SULT1C3: variants seen among roughly 807,000 people sequenced by gnomAD.
The protein encoded by SULT1C3 is sulfotransferase 1C3.
A neutral mutation model predicts 28.4 loss-of-function variants in SULT1C3; 31 were observed. The observed-to-expected ratio is 1.09, with a 90% CI of 0.82 to 1.47. SULT1C3 has a LOEUF of 1.47. Ranked by LOEUF, SULT1C3 falls within the 40% of genes most tolerant of loss-of-function variation. The pLI is 0.00. For missense variants in SULT1C3, 307 were observed against 272.5 expected (o/e 1.13, Z -0.89); for synonymous variants, 106 against 92.2 (o/e 1.15, Z -0.86).
chr2:108,252,176 TA>T (rs1366087720), intron 2 of SULT1C3, among the ~76,000 whole-genome samples, 188 bp from the exon 3 acceptor site: 1 of 151,818 alleles, frequency 6.6e-6, no homozygotes, highest in Non-Finnish European at 1.5e-5. Flanking sequence ...GATAGATAGA[TA>T]GATAGATAGA....
Position 108,252,370 on chromosome 2 carries a change from A to G in SULT1C3, c.178A>G (p.Thr60Ala). ...ILATYPKSGT[T>A]WMHEILDMIL... ...ACTATTTCAAATATTTTCAGGTACA[A>G]CATGGATGCATGAAATTTTAGACAT... Residue 60 changes from threonine (T) to alanine (A), a missense_variant, in exon 3 of 8, where the codon ACA (threonine) becomes GCA (alanine). Thr to Ala is a moderately conservative substitution (Grantham distance 58). Transcript: ENST00000681802. The G allele has an allele frequency of 1.2e-6, 2 of 1,609,228 alleles. No individual in the cohort carries two copies. Among genetic ancestry groups the G allele is most frequent in the East Asian group, 2.2e-5 (1 of 44,698 alleles).
chr2:108,252,248 G>A (rs1675747863), intron 2 of SULT1C3, 117 bp from the exon 3 acceptor site: 3 of 955,798 alleles, frequency 3.1e-6, no homozygotes, highest in Non-Finnish European at 4.6e-6. Context: ...TTCTGCCTTG[G>A]CAACATTGAT....
Position 108,255,706 on chromosome 2 carries a change from C to A in SULT1C3, c.526+8C>A. 2 of 1,608,238 alleles carry A rather than the reference C, an allele frequency of 1.2e-6. No homozygotes were observed. Among genetic ancestry groups the A allele is most frequent in the South Asian group, 2.2e-5 (2 of 90,568 alleles). On this transcript the variant is annotated splice_region_variant and intron_variant, in intron 5 of 7. Transcript: ENST00000681802. Reference sequence around the variant, plus strand: ...AATTCATGTCCGGAAAAGGTGAGTTCAAACTGATCTTTTTGGTACCCTCTT... The same window carrying A: ...AATTCATGTCCGGAAAAGGTGAGTTAAAACTGATCTTTTTGGTACCCTCTT...
chr2:108,258,177 C>G (rs958091492), intron 5 of SULT1C3, among the ~76,000 whole-genome samples: 5 of 152,094 alleles, frequency 3.3e-5, no homozygotes, highest in African/African-American at 1.2e-4. Context: ...ATCAGGGACA[C>G]TAAAACATCC....
intron 1 of SULT1C3, among the ~76,000 whole-genome samples, chr2:108,245,526 G>A (rs574746256): frequency 2.8e-4 from 43 of 152,146 alleles, no homozygotes; most frequent in Non-Finnish European, 4.9e-4. Flanking sequence ...AAGGAACACG[G>A]GAATTGAATG....
intron 1 of SULT1C3, among the ~76,000 whole-genome samples, chr2:108,241,984 T>TACC (rs1327072048): frequency 1.3e-5 from 2 of 151,370 alleles, no homozygotes; most frequent in Non-Finnish European, 2.9e-5. Context: ...TTTAATTATA[T>TACC]ACCAGGTGTG....
intron 5 of SULT1C3, among the ~76,000 whole-genome samples, chr2:108,257,469 T>C (rs192512809): frequency 1.3e-4 from 20 of 152,180 alleles, no homozygotes; most frequent in Admixed American, 1.2e-3. Context: ...TGCATATATA[T>C]AAAACATGCA....
At chr2:108,258,900 G>T in intron 6 of SULT1C3, 66 bp from the exon 7 acceptor site, 1 of 1,233,496 alleles carries the variant, frequency 8.1e-7, no homozygotes, top group Admixed American at 2.0e-5. Flanking sequence ...AAAAAGCTGT[G>T]TCTTTAATTG....
chr2:108,261,538 A>G (rs751470463), downstream of SULT1C3, among the ~76,000 whole-genome samples: 8 of 152,114 alleles, frequency 5.3e-5, no homozygotes, highest in Admixed American at 2.0e-4. Flanking sequence ...ATGACCAAGT[A>G]CAATTGTCTT....
At chr2:108,264,719 T>C, downstream of SULT1C3, 2 of 1,150,998 alleles carry the variant, frequency 1.7e-6, no homozygotes, top group East Asian at 2.5e-5. Context: ...TAAAATGTGT[T>C]CAAATGATCC....
At position 108,252,473 on chromosome 2, in the gene SULT1C3, T is replaced by A. The variant is rs755602096; in HGVS notation, c.281T>A (p.Phe94Tyr). The A allele has an allele frequency of 1.2e-6, 2 of 1,612,220 alleles. No homozygotes were observed. The highest frequency in any genetic ancestry group is 1.1e-5 in the South Asian group (1 of 90,942). ...LDRHAFLELK[F>Y]PHKEKPDLEF... is the part of the protein sequence containing the mutation. The stretch of plus-strand genomic sequence containing the variant: ...AGACACGCTTTCCTTGAACTGAAAT[T>A]TCCCCATAAAGAAAAACCAGGTGAG... Residue 94 changes from phenylalanine (F) to tyrosine (Y), a missense_variant, in exon 3 of 8, where the codon TTT becomes TAT. Physicochemically the swap from Phe to Tyr is conservative, Grantham distance 22. Coordinates refer to ENST00000681802, the MANE Select transcript of SULT1C3 (RefSeq NM_001320878.2).
chr2:108,246,926 T>C (rs1169237877), intron 1 of SULT1C3, among the ~76,000 whole-genome samples: 1 of 152,214 alleles, frequency 6.6e-6, no homozygotes, highest in Non-Finnish European at 1.5e-5. Context: ...GTATTGATTA[T>C]TTTACTTTTA....
chr2:108,245,723 C>T (rs566716775), intron 1 of SULT1C3, among the ~76,000 whole-genome samples: 23 of 152,276 alleles, frequency 1.5e-4, no homozygotes, highest in African/African-American at 5.1e-4. Context: ...GCCATGAAGA[C>T]TCCTGACAAG....
chr2:108,254,829 A>G (rs114842254), intron 4 of SULT1C3, among the ~76,000 whole-genome samples: 2,364 of 150,628 alleles, frequency 0.016, 25 homozygotes, highest in Middle Eastern at 0.031. Flanking sequence ...GTATATATAC[A>G]CATATATATG....
chr2:108,248,357 C>A (rs1486148700), intron 2 of SULT1C3, among the ~76,000 whole-genome samples: 1 of 152,088 alleles, frequency 6.6e-6, no homozygotes, highest in Non-Finnish European at 1.5e-5. Context: ...TATATGAAAC[C>A]ACTGGTTTCT....
At chr2:108,241,915 A>G (rs1232115661) in intron 1 of SULT1C3, among the ~76,000 whole-genome samples, 2 of 138,620 alleles carry the variant, frequency 1.4e-5, no homozygotes, top group African/African-American at 2.9e-5. Context: ...TGACAAAGTG[A>G]GACTCCATCT....
downstream of SULT1C3, among the ~76,000 whole-genome samples, chr2:108,263,726 GCATGGGCTTT>G (rs1310095722): frequency 6.6e-6 from 1 of 152,178 alleles, no homozygotes. Context: ...ATGGGGTAGT[GCATGGGCTTT>G]CATGCAGAAG....
At chr2:108,245,527 GAATTGAATGGC>G (rs1225787964) in intron 1 of SULT1C3, among the ~76,000 whole-genome samples, 1 of 152,124 alleles carries the variant, frequency 6.6e-6, no homozygotes, top group Non-Finnish European at 1.5e-5. Flanking sequence ...AGGAACACGG[GAATTGAATGGC>G]CATTTTCTGG....
intron 2 of SULT1C3, among the ~76,000 whole-genome samples, chr2:108,250,217 C>A (rs919931177): frequency 6.7e-6 from 1 of 149,822 alleles, no homozygotes; most frequent in Non-Finnish European, 1.5e-5. Flanking sequence ...AGAACTGTTA[C>A]AACTAAGAAC....
Sources: gnomAD v4.1 joint callset for allele counts (sites outside exome capture counted in the v4.1 genomes callset) on GRCh38, gnomAD v4.1.1 for gene constraint, MANE v1.5 for transcripts, NCBI Gene and HGNC (gene_info 2026-07-23, HGNC 2026-07-21) for gene names.